Variants in UBE2W observed in about 807,000 individuals in gnomAD.
UBE2W encodes ubiquitin-conjugating enzyme E2 W.
Under a neutral mutation model 27.2 loss-of-function variants are expected in UBE2W, and 18 were observed. That is an observed-to-expected ratio of 0.66 (90% CI 0.46 to 0.98). The LOEUF (loss-of-function observed/expected upper bound fraction) is 0.98, where lower values mean the gene tolerates loss of function less well. Ranked by LOEUF, UBE2W falls within the 50% of genes least tolerant of loss-of-function variation. The pLI, the probability that UBE2W is intolerant of heterozygous loss-of-function variation, is 0.00. For missense variants in UBE2W, 90 were observed against 180.2 expected, an observed-to-expected ratio of 0.50 and a Z score of 2.87; for synonymous variants, 53 against 57.2, an observed-to-expected ratio of 0.93 and a Z score of 0.33.
intron 1 of UBE2W, among the ~76,000 whole-genome samples, chr8:73,842,483 G>A (rs370245087): frequency 7.2e-6 from 1 of 139,286 alleles, no homozygotes; most frequent in South Asian, 2.2e-4. Context: ...GAGCCGAGAT[G>A]GTGCCACTGC....
chr8:73,805,927 C>A (rs566758047), intron 4 of UBE2W, among the ~76,000 whole-genome samples: 1 of 152,124 alleles, frequency 6.6e-6, no homozygotes, highest in Admixed American at 6.5e-5. Flanking sequence ...GAATAATAAG[C>A]GTGTTTGAGT....
chr8:73,781,518 C>A (rs889409073), downstream of UBE2W, among the ~76,000 whole-genome samples: 1 of 152,052 alleles, frequency 6.6e-6, no homozygotes, highest in African/African-American at 2.4e-5. Context: ...AAAACTATCA[C>A]CCTCAACTCA....
At chr8:73,837,467 C>T (rs578167876) in intron 1 of UBE2W, among the ~76,000 whole-genome samples, 2 of 151,828 alleles carry the variant, frequency 1.3e-5, no homozygotes, top group Admixed American at 1.3e-4. Flanking sequence ...GAGCCAAGAT[C>T]GTGCCACTGC....
intron 3 of UBE2W, 58 bp downstream of exon 3, chr8:73,825,089 T>C (rs1237289276): frequency 1.0e-5 from 11 of 1,059,518 alleles, no homozygotes; most frequent in African/African-American, 9.7e-5. Flanking sequence ...GAGTCAAACA[T>C]CTCTGGCATT....
Position 73,853,484 on chromosome 8 carries a change from C to T in UBE2W, c.16-23012G>A, listed in dbSNP as rs183164096. Among the ~76,000 whole-genome samples, 13 of 152,210 alleles carry T rather than the reference C, an allele frequency of 8.5e-5. 1 individual carries two copies. Among genetic ancestry groups the T allele is most frequent in the African/African-American group, 3.1e-4 (13 of 41,528 alleles). ...TATATTGCCCAGGTTTGGAATTTAA[C>T]TCCTGGCCTTAAGCGATCCTCCTGC... On this transcript the variant is annotated intron_variant, in intron 1 of 5. Coordinates refer to ENST00000602593, the MANE Select transcript of UBE2W (RefSeq NM_018299.6).
chr8:73,806,426 G>A (rs1396894359), intron 4 of UBE2W, among the ~76,000 whole-genome samples: 3 of 150,818 alleles, frequency 2.0e-5, no homozygotes, highest in Non-Finnish European at 3.0e-5. Flanking sequence ...AGGGCCAGGC[G>A]CGGTGGCTCA....
In UBE2W at chr8:73,797,865, G is replaced by A. The variant is rs1347449203; in HGVS notation, c.443-3750C>T. Among the ~76,000 whole-genome samples, 3 of 152,170 alleles carry A rather than the reference G, an allele frequency of 2.0e-5. No homozygotes were observed. In the East Asian group the frequency reaches 5.8e-4, roughly 29 times the overall value. On this transcript the variant is annotated intron_variant, in intron 5 of 5. Coordinates refer to ENST00000602593, the MANE Select transcript of UBE2W (RefSeq NM_018299.6). ...ACAAACAGGAGCCTTAAGTTACACG[G>A]GGTGAGCATCCCTAAATCCAAAATC...
At chr8:73,872,069 C>G (rs1214113669) in intron 1 of UBE2W, among the ~76,000 whole-genome samples, 1 of 151,976 alleles carries the variant, frequency 6.6e-6, no homozygotes, top group Non-Finnish European at 1.5e-5. Context: ...AATTTTTGTC[C>G]CACGCTGGGA....
rs67427702 is a variant in UBE2W, at chr8:73,822,602, C to CAAAAAAAAAAAAAA, written c.210+2531_210+2544dup. On this transcript the variant is annotated intron_variant, in intron 3 of 5. Transcript: ENST00000602593. ...TTCACTCTATTAAATCTTGCAACTGCAAAAAAAAAAAAAAAAAAAAAAAAA... is the reference window on the plus strand; with the variant it reads ...TTCACTCTATTAAATCTTGCAACTGCAAAAAAAAAAAAAAAAAAAAAAAAAAAAAAAAAAAAAAA... Among the ~76,000 whole-genome samples the CAAAAAAAAAAAAAA allele has an allele frequency of 2.9e-4, 15 of 51,224 alleles. 3 individuals carry two copies. Among genetic ancestry groups the CAAAAAAAAAAAAAA allele is most frequent in the Non-Finnish European group, 4.7e-4 (13 of 27,642 alleles). The allele number at this position is 51,224 out of a possible 152,430, so 33.6% of individuals were successfully genotyped here.
chr8:73,822,229 C>T (rs1392506118), intron 3 of UBE2W, among the ~76,000 whole-genome samples: 3 of 152,046 alleles, frequency 2.0e-5, no homozygotes, highest in Admixed American at 1.3e-4. Context: ...GAGTGGTTGT[C>T]GGCCAACCTC....
At chr8:73,815,660 C>T (rs1000020447) in intron 3 of UBE2W, among the ~76,000 whole-genome samples, 6 of 152,082 alleles carry the variant, frequency 3.9e-5, no homozygotes, top group African/African-American at 1.2e-4. Flanking sequence ...GATCTTACCA[C>T]GAAGGAGGCA....
In UBE2W at chr8:73,792,680, A is replaced by C. The variant is rs961388238; in HGVS notation, c.*1422T>G. 11 of 985,426 alleles carry C rather than the reference A, an allele frequency of 1.1e-5. No individual in the cohort carries two copies. The highest frequency in any genetic ancestry group is 1.3e-5 in the Non-Finnish European group (11 of 829,554). 61.0% of individuals were successfully genotyped at this position (985,426 alleles called of 1,614,324 possible). A position where few individuals can be genotyped will look rare whatever the true frequency, so the allele number is the denominator to read the frequency against. ...AAAAATAACATTGTAGTAGAAACAG[A>C]TTTTGCATATGTGAAAAGGTAATTT... On this transcript the variant is annotated 3_prime_UTR_variant, in exon 6 of 6. Coordinates refer to ENST00000602593, the MANE Select transcript of UBE2W (RefSeq NM_018299.6).
intron 3 of UBE2W, among the ~76,000 whole-genome samples, chr8:73,822,311 A>G (rs1809648065): frequency 6.6e-6 from 1 of 152,126 alleles, no homozygotes; most frequent in Non-Finnish European, 1.5e-5. Flanking sequence ...TCCTAGGCCG[A>G]CAAAGAATCC....
chr8:73,819,461 T>C (rs1809521918), intron 3 of UBE2W, among the ~76,000 whole-genome samples: 2 of 152,200 alleles, frequency 1.3e-5, no homozygotes, highest in East Asian at 1.9e-4. Context: ...GCAGGCCCAA[T>C]GCCTTTTAAA....
intron 4 of UBE2W, among the ~76,000 whole-genome samples, chr8:73,810,075 AGGTTGATC>A (rs1809091141): frequency 6.6e-6 from 1 of 152,258 alleles, no homozygotes; most frequent in Admixed American, 6.5e-5. Context: ...TCCCTGAAAC[AGGTTGATC>A]GGGTGGGAGC....
intron 5 of UBE2W, chr8:73,795,778 A>G (rs1480357198): frequency 1.0e-6 from 1 of 984,578 alleles, no homozygotes; most frequent in Non-Finnish European, 1.2e-6. Flanking sequence ...TATATCCTCT[A>G]AAGTTCACTC....
chr8:73,831,075 C>T (rs759170231), intron 1 of UBE2W: 2 of 221,040 alleles, frequency 9.0e-6, no homozygotes, highest in African/African-American at 2.3e-5. Flanking sequence ...CCCTCATGTA[C>T]TTCTTCATCT....
chr8:73,850,920 C>T (rs1052138528), intron 1 of UBE2W, among the ~76,000 whole-genome samples: 1 of 151,888 alleles, frequency 6.6e-6, no homozygotes, highest in East Asian at 1.9e-4. Flanking sequence ...AGTACAGTGG[C>T]GCAATCTCGG....
chr8:73,810,063 A>C (rs1194830232), intron 4 of UBE2W, among the ~76,000 whole-genome samples: 1 of 152,112 alleles, frequency 6.6e-6, no homozygotes, highest in Non-Finnish European at 1.5e-5. Flanking sequence ...TTCCTGAAAA[A>C]TTCCCTGAAA....
Sources: allele counts gnomAD v4.1 joint callset (sites outside exome capture counted in the v4.1 genomes callset), GRCh38; gene constraint gnomAD v4.1.1; transcripts MANE v1.5; gene names NCBI Gene and HGNC (gene_info 2026-07-23, HGNC 2026-07-21).